Variants in DSCAM observed in about 807,000 individuals in gnomAD.
DSCAM encodes the protein cell adhesion molecule DSCAM.
DSCAM carries 47 observed loss-of-function variants against 217.7 expected under a neutral mutation model. The ratio of observed to expected loss-of-function variants is 0.22; its 90% CI spans 0.17 to 0.28. DSCAM has a LOEUF of 0.28. DSCAM is among the 10% of genes least tolerant of loss of function. The pLI is 1.00. For synonymous variants in DSCAM, 1,056 were observed against 1,015.3 expected (o/e 1.04, Z -0.76); for missense variants, 2,080 against 2,618.3 (o/e 0.79, Z 4.49).
At chr21:40,019,906 CT>C (rs1363873480) in intron 32 of DSCAM, among the ~76,000 whole-genome samples, 2 of 152,210 alleles carry the variant, frequency 1.3e-5, no homozygotes, top group African/African-American at 4.8e-5. Context: ...CTCAACCTTT[CT>C]CCACATTTCC....
chr21:40,405,526 T>G (rs1302778310), intron 3 of DSCAM, among the ~76,000 whole-genome samples: 1 of 152,164 alleles, frequency 6.6e-6, no homozygotes, highest in Non-Finnish European at 1.5e-5. Context: ...CTAAAAAGCT[T>G]CTGCACAGCA....
chr21:40,531,198 C>G (rs981824817), intron 3 of DSCAM, among the ~76,000 whole-genome samples: 12 of 152,172 alleles, frequency 7.9e-5, no homozygotes, highest in African/African-American at 2.7e-4. Flanking sequence ...GTTTACAGTT[C>G]CTGCTGGCAC....
At chr21:40,420,540 T>C (rs1171911274) in intron 3 of DSCAM, among the ~76,000 whole-genome samples, 1 of 152,164 alleles carries the variant, frequency 6.6e-6, no homozygotes, top group African/African-American at 2.4e-5. Context: ...ACCAAGTATC[T>C]ATGGTGTTAT....
intron 27 of DSCAM, among the ~76,000 whole-genome samples, chr21:40,071,560 CACCT>C (rs781112921): frequency 2.0e-5 from 3 of 152,148 alleles, no homozygotes; most frequent in Non-Finnish European, 4.4e-5. Flanking sequence ...AAATTGATCC[CACCT>C]AATCACTCTA....
chr21:40,823,759 T>C (rs2091947511), intron 1 of DSCAM, among the ~76,000 whole-genome samples: 2 of 152,346 alleles, frequency 1.3e-5, no homozygotes, highest in Admixed American at 1.3e-4. Flanking sequence ...TTGTCAGTTA[T>C]GAGTTGATTG....
intron 20 of DSCAM, among the ~76,000 whole-genome samples, chr21:40,123,559 T>C (rs957842393): frequency 2.0e-5 from 3 of 152,190 alleles, no homozygotes; most frequent in African/African-American, 7.2e-5. Flanking sequence ...AACTTTATAA[T>C]GATTATTCAG....
intron 1 of DSCAM, among the ~76,000 whole-genome samples, chr21:40,710,149 CT>C (rs1238812819): frequency 6.6e-6 from 1 of 151,838 alleles, no homozygotes; most frequent in Non-Finnish European, 1.5e-5. Context: ...TGAGAAGAGT[CT>C]GTTTATATCA....
intron 3 of DSCAM, among the ~76,000 whole-genome samples, chr21:40,664,826 T>A (rs2090182103): frequency 6.6e-6 from 1 of 152,170 alleles, no homozygotes; most frequent in African/African-American, 2.4e-5. Context: ...CCAAATCTCA[T>A]GTGGAAATGT....
intron 1 of DSCAM, among the ~76,000 whole-genome samples, chr21:40,801,721 CAT>C (rs1354196594): frequency 2.0e-5 from 3 of 152,208 alleles, no homozygotes; most frequent in Non-Finnish European, 4.4e-5. Context: ...AAGGAATACA[CAT>C]GTCAGTATAC....
chr21:40,032,553 G>A (rs879526883), intron 32 of DSCAM, among the ~76,000 whole-genome samples: 12 of 152,038 alleles, frequency 7.9e-5, no homozygotes, highest in Non-Finnish European at 1.3e-4. Flanking sequence ...CCTGCTTGCC[G>A]TTTGGGAGTG....
At chr21:40,842,820 TG>T (rs2092114061) in intron 1 of DSCAM, among the ~76,000 whole-genome samples, 1 of 152,058 alleles carries the variant, frequency 6.6e-6, no homozygotes, top group Non-Finnish European at 1.5e-5. Context: ...CAGCAAACCG[TG>T]GTCACACCAA....
chr21:40,671,396 C>A (rs933619883), intron 3 of DSCAM, among the ~76,000 whole-genome samples: 2 of 152,132 alleles, frequency 1.3e-5, no homozygotes, highest in African/African-American at 4.8e-5. Context: ...AACAAAGAGG[C>A]CTGGCACAGT....
intron 11 of DSCAM, among the ~76,000 whole-genome samples, chr21:40,205,319 T>A (rs577298301): frequency 6.6e-6 from 1 of 152,278 alleles, no homozygotes; most frequent in Middle Eastern, 3.4e-3. Flanking sequence ...AGTGTACTCT[T>A]GGGCCTGGTG....
Position 40,692,803 on chromosome 21 carries a change from A to G in DSCAM, c.508+7T>C. On this transcript the variant is annotated splice_region_variant and intron_variant, in intron 3 of 32. Coordinates refer to ENST00000400454, the MANE Select transcript of DSCAM (RefSeq NM_001389.5). The stretch of plus-strand genomic sequence containing the variant: ...GGTGTCCTGCACCCTGGAGACGCAA[A>G]GCCTACCTGAGACAAGTGAAACAGT... 1.2e-6 allele frequency: 2 copies of G among 1,609,838 alleles called. No individual in the cohort carries two copies. Among genetic ancestry groups the G allele is most frequent in the Non-Finnish European group, 1.7e-6 (2 of 1,176,386 alleles).
At chr21:40,551,295 GT>G (rs2076627856) in intron 3 of DSCAM, among the ~76,000 whole-genome samples, 1 of 152,268 alleles carries the variant, frequency 6.6e-6, no homozygotes, top group African/African-American at 2.4e-5. Context: ...TTGCTCACAG[GT>G]TATAGGTGGA....
chr21:40,618,301 T>C (rs2089432084), intron 3 of DSCAM, among the ~76,000 whole-genome samples: 1 of 152,154 alleles, frequency 6.6e-6, no homozygotes, highest in Admixed American at 6.5e-5. Context: ...ACTGATGAGC[T>C]CTCCGTGGTC....
At position 40,012,345 on chromosome 21, in the gene DSCAM, C is replaced by T. The variant is rs1199298241; in HGVS notation, c.*689G>A. The T allele has an allele frequency of 6.6e-6, 1 of 152,174 alleles. No individual in the cohort carries two copies. Among genetic ancestry groups the T allele is most frequent in the Non-Finnish European group, 1.5e-5 (1 of 68,034 alleles). 9.4% of individuals were successfully genotyped at this position (152,174 alleles called of 1,614,324 possible). A position where few individuals can be genotyped will look rare whatever the true frequency, so the allele number is the denominator to read the frequency against. On this transcript the variant is annotated 3_prime_UTR_variant, in exon 33 of 33. Coordinates refer to ENST00000400454, the MANE Select transcript of DSCAM (RefSeq NM_001389.5). ...GCTCTGGGTTCAGGCCTGGTGTTTCCAAACAGAAGTGTCAATGGGAAGGAG... is the reference window on the plus strand; with the variant it reads ...GCTCTGGGTTCAGGCCTGGTGTTTCTAAACAGAAGTGTCAATGGGAAGGAG...
At chr21:40,066,986 T>C (rs2089215203) in intron 27 of DSCAM, among the ~76,000 whole-genome samples, 1 of 152,206 alleles carries the variant, frequency 6.6e-6, no homozygotes, top group African/African-American at 2.4e-5. Flanking sequence ...TACGATTACC[T>C]CCTGATGAAC....
intron 20 of DSCAM, among the ~76,000 whole-genome samples, chr21:40,119,793 G>A (rs1174922540): frequency 6.6e-6 from 1 of 151,994 alleles, no homozygotes; most frequent in Non-Finnish European, 1.5e-5. Context: ...TTTTAATACA[G>A]CCAGGAGGTC....
Sources: allele counts gnomAD v4.1 joint callset (sites outside exome capture counted in the v4.1 genomes callset), GRCh38; gene constraint gnomAD v4.1.1; transcripts MANE v1.5; gene names NCBI Gene and HGNC (gene_info 2026-07-23, HGNC 2026-07-21).